MAP3K13: variants seen among roughly 807,000 people sequenced by gnomAD.
The protein encoded by MAP3K13 is leucine zipper-bearing kinase.
In MAP3K13, 52 loss-of-function variants were observed where a neutral mutation model predicts 104.0. The observed-to-expected ratio is 0.50, with a 90% CI of 0.40 to 0.63. MAP3K13 has a LOEUF of 0.63. Among genes scored for constraint, MAP3K13 ranks in the 20% least tolerant of loss-of-function variants. The pLI is 0.00. For synonymous variants in MAP3K13, 394 were observed against 442.2 expected, an observed-to-expected ratio of 0.89 and a Z score of 1.37; for missense variants, 914 against 1,218.5, an observed-to-expected ratio of 0.75 and a Z score of 3.72.
chr3:185,462,495 G>A (rs973572121), intron 7 of MAP3K13, among the ~76,000 whole-genome samples: 1 of 152,146 alleles, frequency 6.6e-6, no homozygotes, highest in Non-Finnish European at 1.5e-5. Context: ...AAACAGGGCC[G>A]GGTGCGGTGG....
intron 7 of MAP3K13, among the ~76,000 whole-genome samples, chr3:185,455,563 A>ATATATATGACATATATGTCATATATAT (rs1217413167): frequency 1.1e-4 from 2 of 18,350 alleles, no homozygotes; most frequent in South Asian, 1.7e-3. Context: ...GATATATATG[A>ATATATATGACATATATGTCATATATAT]GATATATATG....
At chr3:185,438,018 C>A (rs996292617) in intron 3 of MAP3K13, among the ~76,000 whole-genome samples, 1 of 152,116 alleles carries the variant, frequency 6.6e-6, no homozygotes, top group African/African-American at 2.4e-5. Flanking sequence ...GTTGGCCGGG[C>A]GCAGTGGCTC....
Position 185,465,810 on chromosome 3 carries a change from G to T in MAP3K13, c.1452G>T (p.Met484Ile). 6.2e-7 allele frequency: 1 copy of T among 1,614,098 alleles called. No homozygotes were observed. ...RKLERANNLY[M>I]ELSAIMLQLE... is the part of the protein sequence containing the mutation. ...TTGAGCGGGCGAATAATTTATACAT[G>T]GAATTGAGTGCCATCATGCTGCAGC... is the stretch of plus-strand genomic sequence containing the variant. Residue 484 changes from methionine to isoleucine, a missense_variant, in exon 9 of 14, where the codon ATG (methionine) becomes ATT (isoleucine). By Grantham distance (10) the Met-to-Ile change is conservative. This residue lies in a region of MAP3K13 where 583 missense variants were observed against 737.4 expected (regional missense o/e 0.79). Transcript: ENST00000265026.
intron 2 of MAP3K13, among the ~76,000 whole-genome samples, chr3:185,338,909 A>G (rs184648128): frequency 3.8e-4 from 58 of 152,360 alleles, no homozygotes; most frequent in South Asian, 8.3e-4. Context: ...ATAACAATGT[A>G]TAATAGAGTT....
At chr3:185,432,722 T>A (rs1714818234) in intron 2 of MAP3K13, among the ~76,000 whole-genome samples, 1 of 152,172 alleles carries the variant, frequency 6.6e-6, no homozygotes, top group Non-Finnish European at 1.5e-5. Context: ...GGTTTTAAAA[T>A]TTTTTGTTAT....
intron 1 of MAP3K13, among the ~76,000 whole-genome samples, chr3:185,380,436 G>T (rs911358958): frequency 1.8e-4 from 27 of 149,928 alleles, no homozygotes; most frequent in African/African-American, 6.4e-4. Context: ...GCTTGAACCC[G>T]GGAGGCAGAG....
intron 7 of MAP3K13, among the ~76,000 whole-genome samples, chr3:185,451,920 A>C (rs1171765304): frequency 6.6e-6 from 1 of 151,992 alleles, no homozygotes; most frequent in Non-Finnish European, 1.5e-5. Context: ...CACGTGTCAG[A>C]ATATTATCCT....
intron 1 of MAP3K13, among the ~76,000 whole-genome samples, chr3:185,364,434 A>G (rs927507321): frequency 6.6e-6 from 1 of 152,198 alleles, no homozygotes; most frequent in African/African-American, 2.4e-5. Context: ...GCATGTACCC[A>G]GTTGTTCTTT....
chr3:185,367,815 CAAA>C (rs554882299), intron 1 of MAP3K13, among the ~76,000 whole-genome samples: 182 of 152,306 alleles, frequency 1.2e-3, no homozygotes, highest in Middle Eastern at 3.4e-3. Context: ...AGGCTGGTCT[CAAA>C]CTCCTGTGCT....
At chr3:185,292,583 T>C in intron 2 of MAP3K13, 3 of 872,512 alleles carry the variant, frequency 3.4e-6, no homozygotes, top group Non-Finnish European at 4.1e-6. Flanking sequence ...AATGAAATAA[T>C]GTACATGAAA....
At chr3:185,459,143 G>A (rs1419735619) in intron 7 of MAP3K13, among the ~76,000 whole-genome samples, 2 of 152,124 alleles carry the variant, frequency 1.3e-5, no homozygotes, top group African/African-American at 4.8e-5. Context: ...GGGAGTTGCG[G>A]AGACACCCCA....
At chr3:185,364,387 A>G (rs373135882) in intron 1 of MAP3K13, among the ~76,000 whole-genome samples, 16 of 152,312 alleles carry the variant, frequency 1.1e-4, no homozygotes, top group East Asian at 7.7e-4. Context: ...GCATTTCCCA[A>G]CTGCTTCACT....
intron 2 of MAP3K13, among the ~76,000 whole-genome samples, chr3:185,432,530 G>A (rs1714806709): frequency 6.6e-6 from 1 of 151,168 alleles, no homozygotes; most frequent in South Asian, 2.1e-4. Flanking sequence ...TCTTTGGTTG[G>A]ACACAAAACC....
At chr3:185,467,305 C>G (rs1327681405) in intron 10 of MAP3K13, among the ~76,000 whole-genome samples, 1 of 152,204 alleles carries the variant, frequency 6.6e-6, no homozygotes, top group Non-Finnish European at 1.5e-5. Context: ...GGTACAATTA[C>G]AGCACATGAG....
intron 2 of MAP3K13, among the ~76,000 whole-genome samples, chr3:185,319,641 A>C (rs1721791139): frequency 6.6e-6 from 1 of 152,208 alleles, no homozygotes; most frequent in South Asian, 2.1e-4. Context: ...TAGATACCAA[A>C]TTGCATGGTG....
Position 185,343,098 on chromosome 3 carries a change from C to T in MAP3K13, c.-86+57455C>T, listed in dbSNP as rs13314910. ...TGGCCACTAGCCTCCTTATAGCTAG[C>T]GAGGGAAGGAGAGACTCCAGACAAA... On this transcript the variant is annotated intron_variant, in intron 2 of 14. Coordinates refer to the MAP3K13 transcript ENST00000424227. Among the ~76,000 whole-genome samples the T allele has an allele frequency of 6.2e-3, 942 of 152,194 alleles. 7 individuals are homozygous for T. Among genetic ancestry groups the T allele is most frequent in the African/African-American group, 0.02 (847 of 41,502 alleles).
At chr3:185,430,331 G>A (rs1714670871) in intron 2 of MAP3K13, among the ~76,000 whole-genome samples, 1 of 151,790 alleles carries the variant, frequency 6.6e-6, no homozygotes, top group Non-Finnish European at 1.5e-5. Flanking sequence ...TTTATTTTAG[G>A]TTCAGGGGTA....
At chr3:185,354,988 G>A (rs1203689154) in intron 2 of MAP3K13, among the ~76,000 whole-genome samples, 1 of 152,130 alleles carries the variant, frequency 6.6e-6, no homozygotes, top group Non-Finnish European at 1.5e-5. Flanking sequence ...TATTAGACGA[G>A]CCAATCTTCC....
At chr3:185,465,987 C>T in intron 9 of MAP3K13, 124 bp downstream of exon 9, 1 of 758,100 alleles carries the variant, frequency 1.3e-6, no homozygotes, top group Admixed American at 2.0e-5. Flanking sequence ...CCCAACATTC[C>T]TTCCGGGATG....
Sources: gnomAD v4.1 joint callset for allele counts (sites outside exome capture counted in the v4.1 genomes callset) on GRCh38, gnomAD v4.1.1 for gene constraint, gnomAD v4.1.1 regional missense constraint, MANE v1.5 for transcripts, NCBI Gene and HGNC (gene_info 2026-07-23, HGNC 2026-07-21) for gene names.